The following PTPRD variants were observed in gnomAD, a reference collection of about 807,000 sequenced individuals.
PTPRD encodes receptor-type tyrosine-protein phosphatase delta.
A neutral mutation model predicts 214.5 loss-of-function variants in PTPRD; 34 were observed. That is an observed-to-expected ratio of 0.16 (90% CI 0.12 to 0.21). The LOEUF is 0.21. PTPRD is among the 10% of genes least tolerant of loss of function. The probability of loss-of-function intolerance (pLI) is 1.00; values close to 1 mark genes in which losing one functional copy is unlikely to be tolerated. For synonymous variants in PTPRD, 1,128 were observed against 845.7 expected (o/e 1.33, Z -5.79); for missense variants, 2,545 against 2,398.7 (o/e 1.06, Z -1.27).
chr9:9,751,313 G>C (rs929467850), intron 6 of PTPRD, among the ~76,000 whole-genome samples: 3 of 152,000 alleles, frequency 2.0e-5, no homozygotes, highest in Admixed American at 6.6e-5. Flanking sequence ...GAGACACTAA[G>C]AATTAACTCC....
At chr9:10,508,144 C>G (rs1321221200) in intron 2 of PTPRD, among the ~76,000 whole-genome samples, 1 of 152,188 alleles carries the variant, frequency 6.6e-6, no homozygotes, top group Non-Finnish European at 1.5e-5. Flanking sequence ...AGGATATGAA[C>G]AGACACTTCT....
chr9:9,505,398 T>C (rs1048178256), intron 8 of PTPRD, among the ~76,000 whole-genome samples: 1 of 151,568 alleles, frequency 6.6e-6, no homozygotes, highest in Non-Finnish European at 1.5e-5. Context: ...TGGCCCAGAT[T>C]CATTGCTCAA....
At chr9:10,025,379 TC>T (rs1335170673) in intron 4 of PTPRD, among the ~76,000 whole-genome samples, 3 of 152,184 alleles carry the variant, frequency 2.0e-5, no homozygotes, top group Non-Finnish European at 2.9e-5. Flanking sequence ...TCCAATTTTG[TC>T]CAAATCCTTC....
At position 8,449,782 on chromosome 9, in the gene PTPRD, G is replaced by C; in HGVS notation, c.3931C>G (p.Pro1311Ala). The C allele has an allele frequency of 1.2e-6, 2 of 1,614,048 alleles. No homozygotes were observed. The highest frequency in any genetic ancestry group is 1.7e-6 in the Non-Finnish European group (2 of 1,179,988). ...ACAGGGTCTGTTGGGTGGTGTGAAG[G>C]GATCTCCTTATTGTTCGGTATGCTG... ...KSSIPNNKEI[P>A]SHHPTDPVEL... The change falls in exon 34 of 46, where the codon CCT becomes GCT. Residue 1311 changes from proline (P) to alanine (A), a missense_variant. Coordinates refer to ENST00000381196, the MANE Select transcript of PTPRD (RefSeq NM_002839.4).
At chr9:8,552,360 G>A (rs996959604) in intron 14 of PTPRD, among the ~76,000 whole-genome samples, 3 of 152,176 alleles carry the variant, frequency 2.0e-5, no homozygotes, top group Non-Finnish European at 4.4e-5. Context: ...GTGTCAGAAC[G>A]GACCAGCGTG....
At chr9:9,434,193 A>C (rs2084284277) in intron 8 of PTPRD, among the ~76,000 whole-genome samples, 1 of 152,196 alleles carries the variant, frequency 6.6e-6, no homozygotes, top group South Asian at 2.1e-4. Context: ...ATTCTAAATT[A>C]ATGTTTGTAC....
intron 21 of PTPRD, among the ~76,000 whole-genome samples, chr9:8,514,945 G>C (rs1049761683): frequency 2.6e-5 from 4 of 152,086 alleles, no homozygotes; most frequent in African/African-American, 7.2e-5. Flanking sequence ...TTCCCCCTTT[G>C]CTCTTCTCTC....
chr9:9,111,158 A>T, intron 10 of PTPRD, among the ~76,000 whole-genome samples: 1 of 151,732 alleles, frequency 6.6e-6, no homozygotes, highest in Non-Finnish European at 1.5e-5. Flanking sequence ...ATTTCCAGGG[A>T]AAGTGAGGTG....
intron 2 of PTPRD, among the ~76,000 whole-genome samples, chr9:10,510,142 T>C (rs2047496764): frequency 6.6e-6 from 1 of 152,158 alleles, no homozygotes; most frequent in African/African-American, 2.4e-5. Context: ...TCTTTGTATT[T>C]GGCCTTAGAA....
At chr9:8,675,405 G>T (rs1398212532) in intron 12 of PTPRD, among the ~76,000 whole-genome samples, 2 of 151,550 alleles carry the variant, frequency 1.3e-5, no homozygotes, top group South Asian at 2.1e-4. Context: ...GAGCTTCAAC[G>T]TAAGTATTGT....
intron 35 of PTPRD, among the ~76,000 whole-genome samples, chr9:8,431,337 G>A (rs985394530): frequency 1.1e-4 from 17 of 152,272 alleles, no homozygotes; most frequent in African/African-American, 3.9e-4. Context: ...AGCCACCACA[G>A]AGAAAGCACA....
chr9:9,838,912 A>G (rs1232745613), intron 5 of PTPRD, among the ~76,000 whole-genome samples: 8 of 152,068 alleles, frequency 5.3e-5, no homozygotes, highest in Middle Eastern at 3.2e-3. Flanking sequence ...CTAATGTTTA[A>G]GTCTTTAATC....
At chr9:9,189,910 C>T (rs2099934056) in intron 9 of PTPRD, among the ~76,000 whole-genome samples, 1 of 151,900 alleles carries the variant, frequency 6.6e-6, no homozygotes, top group South Asian at 2.1e-4. Context: ...ATTAGTGTGG[C>T]TGTGTAATTT....
intron 4 of PTPRD, among the ~76,000 whole-genome samples, chr9:9,970,307 G>A (rs922444715): frequency 1.3e-5 from 2 of 151,630 alleles, no homozygotes; most frequent in Admixed American, 6.6e-5. Context: ...AACATTAGCC[G>A]GGCGTGGTGG....
intron 37 of PTPRD, among the ~76,000 whole-genome samples, chr9:8,377,313 TAA>T (rs2083552635): frequency 6.6e-6 from 1 of 152,068 alleles, no homozygotes; most frequent in Admixed American, 6.6e-5. Context: ...GTCTGTTCCT[TAA>T]AAAGAGTCTC....
intron 10 of PTPRD, among the ~76,000 whole-genome samples, chr9:9,131,429 T>A (rs2099842435): frequency 6.6e-6 from 1 of 152,318 alleles, no homozygotes; most frequent in East Asian, 1.9e-4. Context: ...AGAAATATTG[T>A]TTATAAATAG....
chr9:10,119,426 A>G (rs2098757388), intron 3 of PTPRD, among the ~76,000 whole-genome samples: 1 of 152,060 alleles, frequency 6.6e-6, no homozygotes, highest in Non-Finnish European at 1.5e-5. Flanking sequence ...TCTAGAGTGT[A>G]GTACATCTGA....
rs375230826 is a variant in PTPRD, at chr9:8,825,075, G to C, written c.-103-91129C>G. Among the ~76,000 whole-genome samples, 7 of 152,240 alleles carry C rather than the reference G, an allele frequency of 4.6e-5. No homozygotes were observed. In the East Asian group the frequency reaches 1.4e-3, roughly 29 times the overall value. Reference sequence around the variant, plus strand: ...TTAGATAAGACTTTTTTAAAGCTGAGCCCTGCCATGAGTTTGTACCTTTAA... The same window carrying C: ...TTAGATAAGACTTTTTTAAAGCTGACCCCTGCCATGAGTTTGTACCTTTAA... On this transcript the variant is annotated intron_variant, in intron 11 of 45. Transcript: ENST00000381196.
At chr9:9,648,925 C>A (rs2096264448) in intron 7 of PTPRD, among the ~76,000 whole-genome samples, 1 of 152,020 alleles carries the variant, frequency 6.6e-6, no homozygotes, top group Non-Finnish European at 1.5e-5. Flanking sequence ...TAGATAACAA[C>A]AGTGAAGGCC....
Sources: allele counts gnomAD v4.1 joint callset (sites outside exome capture counted in the v4.1 genomes callset), GRCh38; gene constraint gnomAD v4.1.1; transcripts MANE v1.5; gene names NCBI Gene and HGNC (gene_info 2026-07-23, HGNC 2026-07-21).